MED12L: variants seen among roughly 807,000 people sequenced by gnomAD.
The protein encoded by MED12L is mediator of RNA polymerase II transcription subunit 12-like protein.
MED12L carries 60 observed loss-of-function variants against 281.3 expected under a neutral mutation model. The observed-to-expected ratio is 0.21, with a 90% CI of 0.17 to 0.26. The LOEUF (loss-of-function observed/expected upper bound fraction) is 0.26. MED12L is among the 10% of genes least tolerant of loss of function. The probability of loss-of-function intolerance (pLI) is 1.00; values close to 1 mark genes in which losing one functional copy is unlikely to be tolerated. For missense variants in MED12L, 2,146 were observed against 2,680.9 expected, an observed-to-expected ratio of 0.80 and a Z score of 4.41; for synonymous variants, 974 against 987.2, an observed-to-expected ratio of 0.99 and a Z score of 0.25.
At chr3:151,163,808 T>A in intron 8 of MED12L, 85 bp from the exon 9 acceptor site, 1 of 1,349,312 alleles carries the variant, frequency 7.4e-7, no homozygotes, top group Non-Finnish European at 1.0e-6. Context: ...AATACAGTGA[T>A]GACAGGGTGT....
chr3:151,110,241 C>T (rs1173254766), intron 2 of MED12L, among the ~76,000 whole-genome samples: 1 of 152,178 alleles, frequency 6.6e-6, no homozygotes, highest in African/African-American at 2.4e-5. Flanking sequence ...TGACAAAAGC[C>T]TTCAGAGCAG....
At chr3:151,258,634 C>A (rs762595566) in intron 16 of MED12L, among the ~76,000 whole-genome samples, 1 of 151,990 alleles carries the variant, frequency 6.6e-6, no homozygotes, top group Non-Finnish European at 1.5e-5. Context: ...AATAAACATC[C>A]TTGGGCTTTT....
At chr3:151,409,000 T>C (rs193144834) in intron 39 of MED12L, among the ~76,000 whole-genome samples, 44 of 152,350 alleles carry the variant, frequency 2.9e-4, no homozygotes, top group Admixed American at 2.5e-3. Context: ...CATTGATAAC[T>C]TAGGCTTGTA....
At chr3:151,424,124 G>C (rs1198813001) in intron 43 of MED12L, among the ~76,000 whole-genome samples, 1 of 152,154 alleles carries the variant, frequency 6.6e-6, no homozygotes, top group African/African-American at 2.4e-5. Flanking sequence ...TTCTCCTTTT[G>C]AAGTGGAAGA....
intron 16 of MED12L, among the ~76,000 whole-genome samples, chr3:151,208,714 A>G (rs150972412): frequency 6.6e-6 from 1 of 152,238 alleles, no homozygotes; most frequent in East Asian, 1.9e-4. Flanking sequence ...AATTTAAGTA[A>G]TATGTAATAT....
chr3:151,121,386 A>G (rs76443854), intron 3 of MED12L, among the ~76,000 whole-genome samples: 1,814 of 152,342 alleles, frequency 0.012, 39 homozygotes, highest in African/African-American at 0.042. Flanking sequence ...ACCAGACTTC[A>G]TGGCATTACA....
intron 39 of MED12L, among the ~76,000 whole-genome samples, chr3:151,400,866 A>G (rs1335371405): frequency 6.6e-6 from 1 of 152,320 alleles, no homozygotes; most frequent in Non-Finnish European, 1.5e-5. Flanking sequence ...TAATGCACTT[A>G]CTAGCTTTAT....
intron 9 of MED12L, 31 bp from the exon 10 acceptor site, chr3:151,165,389 C>A: frequency 6.4e-7 from 1 of 1,574,730 alleles, no homozygotes; most frequent in Non-Finnish European, 8.7e-7. Context: ...GCATTCCAAG[C>A]ACAAGTTAAT....
At position 151,198,651 on chromosome 3, in the gene MED12L, A is replaced by G. The variant is rs965110168; in HGVS notation, c.2250+4985A>G. On this transcript the variant is annotated intron_variant, in intron 16 of 44. Transcript: ENST00000687756. ...ATGACTTCTGTCTGGCTGAGGGTAT[A>G]CGGGATTCGGACAATGTGGTAAGGA... 1.2e-6 allele frequency: 2 copies of G among 1,614,114 alleles called. No homozygotes were observed. Among genetic ancestry groups the G allele is most frequent in the East Asian group, 2.2e-5 (1 of 44,878 alleles).
Position 151,192,434 on chromosome 3 carries a change from C to T in MED12L, c.1969-116C>T, listed in dbSNP as rs1470881292. 6 of 757,428 alleles carry T rather than the reference C, an allele frequency of 7.9e-6. No homozygotes were observed. The East Asian group carries it at 1.6e-4, about 20-fold the overall frequency. The allele number at this position is 757,428 out of a possible 1,614,324, so 46.9% of individuals were successfully genotyped here. A position where few individuals can be genotyped will look rare whatever the true frequency, so the allele number is the denominator to read the frequency against. ...TTCCTTCAATTTGCGGGGAAGAAAA[C>T]AATACGGGGAACAAAAGACAGAGAT... On this transcript the variant is annotated intron_variant, in intron 14 of 44. Coordinates refer to ENST00000687756, the MANE Select transcript of MED12L (RefSeq NM_001393769.1).
intron 2 of MED12L, among the ~76,000 whole-genome samples, chr3:151,092,354 C>T (rs935781182): frequency 6.6e-6 from 1 of 152,230 alleles, no homozygotes; most frequent in Non-Finnish European, 1.5e-5. Context: ...TCTCCATGGC[C>T]TGCCTTCCAG....
chr3:151,185,291 C>G, intron 11 of MED12L, 39 bp from the exon 12 acceptor site: 1 of 1,592,532 alleles, frequency 6.3e-7, no homozygotes, highest in South Asian at 1.1e-5. Flanking sequence ...GTGAATGTTT[C>G]ATTTGATGTG....
At chr3:151,204,893 A>G (rs1726140508) in intron 16 of MED12L, among the ~76,000 whole-genome samples, 8 of 152,232 alleles carry the variant, frequency 5.3e-5, no homozygotes, top group Admixed American at 5.2e-4. Context: ...AAACAATTGT[A>G]CTTAAAAATC....
At chr3:151,280,867 A>G (rs1458690206) in intron 16 of MED12L, among the ~76,000 whole-genome samples, 1 of 151,650 alleles carries the variant, frequency 6.6e-6, no homozygotes, top group Non-Finnish European at 1.5e-5. Context: ...CCTTTTTTTC[A>G]CAAGTAAGAA....
At chr3:151,349,852 C>CTT (rs112308445) in intron 16 of MED12L, among the ~76,000 whole-genome samples, 4,715 of 139,642 alleles carry the variant, frequency 0.034, 153 homozygotes, top group African/African-American at 0.084. Context: ...TCAGTTGACA[C>CTT]TTTTTTTTTT....
intron 16 of MED12L, among the ~76,000 whole-genome samples, chr3:151,304,405 C>T (rs1269945907): frequency 2.0e-5 from 3 of 152,062 alleles, no homozygotes; most frequent in Non-Finnish European, 4.4e-5. Context: ...GAAACCCTGT[C>T]TCTACTAAAA....
chr3:151,127,628 T>C (rs1271060696), intron 4 of MED12L, among the ~76,000 whole-genome samples, 197 bp from the exon 5 acceptor site: 1 of 152,248 alleles, frequency 6.6e-6, no homozygotes, highest in Non-Finnish European at 1.5e-5. Flanking sequence ...ATTTTTTTCT[T>C]AATGAAAATT....
rs910192789 is a variant in MED12L, at chr3:151,295,142, G to A, written c.2251-54917G>A. ...AATTGTGTCAAATTCATTGTGAAGG[G>A]TGGTGTTCTTTCCTGGCCCGTCGCT... is the stretch of plus-strand genomic sequence containing the variant. On this transcript the variant is annotated intron_variant, in intron 16 of 44. Transcript: ENST00000687756. 5 of 1,613,216 alleles carry A rather than the reference G, an allele frequency of 3.1e-6. No homozygotes were observed. In the African/African-American group the frequency reaches 5.3e-5, roughly 17 times the overall value.
intron 5 of MED12L, among the ~76,000 whole-genome samples, chr3:151,139,624 C>T (rs1235422061): frequency 6.6e-6 from 1 of 152,086 alleles, no homozygotes; most frequent in Non-Finnish European, 1.5e-5. Flanking sequence ...ATTGGCGGGA[C>T]AGGCATAGGA....
Sources: allele counts gnomAD v4.1 joint callset (sites outside exome capture counted in the v4.1 genomes callset), GRCh38; gene constraint gnomAD v4.1.1; transcripts MANE v1.5; gene names NCBI Gene and HGNC (gene_info 2026-07-23, HGNC 2026-07-21).